MZF1: variants seen among roughly 807,000 people sequenced by gnomAD.
The protein encoded by MZF1 is zinc finger and SCAN domain-containing protein 6.
Under a neutral mutation model 28.6 loss-of-function variants are expected in MZF1, and 24 were observed. The observed-to-expected ratio is 0.84, with a 90% CI of 0.61 to 1.18. The LOEUF is 1.18. Among genes scored for constraint, MZF1 ranks in the 50% most tolerant of loss-of-function variants. The probability of loss-of-function intolerance (pLI) is 0.00; values close to 1 mark genes in which losing one functional copy is unlikely to be tolerated. For synonymous variants in MZF1, 516 were observed against 432.5 expected (o/e 1.19, Z -2.40); for missense variants, 1,166 against 1,026.4 (o/e 1.14, Z -1.86).
At chr19:58,564,902 GTTTTTTTTTTTTTTTTTTTTTTT>G (rs71190056) in intron 5 of MZF1, among the ~76,000 whole-genome samples, 2 of 41,996 alleles carry the variant, frequency 4.8e-5, no homozygotes, top group Admixed American at 3.2e-4. Context: ...CCATGTGTGT[GTTTTTTTTTTTTTTTTTTTTTTT>G]TTTTTTTTTT....
rs777893427 is a variant in MZF1 at position 58,563,499 on chromosome 19, C to T, written c.778G>A (p.Ala260Thr). Residue 260 changes from alanine (A) to threonine (T), a missense_variant, in exon 6 of 6, where the codon GCG becomes ACG. Physicochemically the swap from Ala to Thr is moderately conservative, Grantham distance 58. Transcript: ENST00000215057. ...GCGGAGATGCTGCCTAGCTGCAGCG[C>T]GAACCCTGCATACACAAGGGGACCA... ...EAGGIFSPGF[A>T]LQLGSISAGP... The T allele has an allele frequency of 1.4e-5, 22 of 1,540,208 alleles. No individual in the cohort carries two copies. In the Admixed American group the frequency reaches 3.4e-4, roughly 24 times the overall value.
chr19:58,569,964 C>T (rs540170938), intron 3 of MZF1: 10 of 303,288 alleles, frequency 3.3e-5, no homozygotes, highest in South Asian at 1.7e-4. Flanking sequence ...CCTAACACTA[C>T]GAGGTCCTCC....
chr19:58,572,559 C>G, intron 1 of MZF1: 1 of 1,289,628 alleles, frequency 7.8e-7, no homozygotes, highest in Non-Finnish European at 1.0e-6. Flanking sequence ...CCTCCCTCCT[C>G]GCGCTGTTCC....
rs910963962 is a variant in MZF1, at chr19:58,565,024, G to A, written c.773-1520C>T. ...CAACCTCTGCCTCCCGGGTTCAAGCGATTCTGCTGCTTCATCTTCCTGAGT... is the reference window on the plus strand; with the variant it reads ...CAACCTCTGCCTCCCGGGTTCAAGCAATTCTGCTGCTTCATCTTCCTGAGT... On this transcript the variant is annotated intron_variant, in intron 5 of 5. Transcript: ENST00000215057. 1.7e-4 allele frequency among the ~76,000 whole-genome samples: 25 copies of A among 144,714 alleles called. 1 individual carries two copies. The highest frequency in any genetic ancestry group is 3.6e-4 in the Admixed American group (5 of 14,068). The allele number at this position is 144,714 out of a possible 152,430, so 94.9% of individuals were successfully genotyped here.
chr19:58,565,077 T>C (rs895092561), intron 5 of MZF1, among the ~76,000 whole-genome samples: 7 of 147,404 alleles, frequency 4.7e-5, no homozygotes, highest in African/African-American at 1.8e-4. Flanking sequence ...TGCACCACCA[T>C]GCCTGGCTAA....
intron 5 of MZF1, chr19:58,568,329 G>A (rs1032480540): frequency 6.6e-6 from 1 of 151,908 alleles, no homozygotes; most frequent in Non-Finnish European, 1.5e-5. Context: ...GGAAAATAGA[G>A]TAGAAAGACA....
intron 5 of MZF1, among the ~76,000 whole-genome samples, chr19:58,564,906 T>G (rs1048630782): frequency 7.0e-5 from 5 of 71,048 alleles, no homozygotes; most frequent in Admixed American, 1.4e-4. Flanking sequence ...GTGTGTGTTT[T>G]TTTTTTTTTT....
At position 58,563,327 on chromosome 19, in the gene MZF1, G is replaced by T. The variant is rs780185814; in HGVS notation, c.950C>A (p.Pro317His). 2 of 1,609,174 alleles carry T rather than the reference G, an allele frequency of 1.2e-6. No individual in the cohort carries two copies. The highest frequency in any genetic ancestry group is 4.5e-5 in the East Asian group (2 of 44,726). ...ACCCCGGCAGGGATCCTCGTCCGTG[G>T]GGTCCTGTTCACTCCTCAGATCGCT... ...LPSDLRSEQD[P>H]TDEDPCRGVG... Residue 317 changes from proline (P) to histidine (H), a missense_variant, in exon 6 of 6, where the codon CCC becomes CAC. Coordinates refer to ENST00000215057, the MANE Select transcript of MZF1 (RefSeq NM_198055.2).
chr19:58,564,915 T>TG, intron 5 of MZF1, among the ~76,000 whole-genome samples: 1 of 117,208 alleles, frequency 8.5e-6, no homozygotes, highest in Admixed American at 8.4e-5. Flanking sequence ...TTTTTTTTTT[T>TG]TTTTTTTTTT....
At chr19:58,564,724 C>T (rs534746501) in intron 5 of MZF1, 2 of 152,222 alleles carry the variant, frequency 1.3e-5, no homozygotes, top group South Asian at 2.1e-4. Flanking sequence ...AGTTGTGTTC[C>T]TCCTTGTACT....
rs200161214 is a variant in MZF1, at chr19:58,562,528, C to T, written c.1749G>A (p.Thr583=). Reference sequence around the variant, plus strand: ...TGTGTACGCGGAGATGCTGCGTGAGCGTAGGCCGCTGGCGGAAGGCCTTGC... The same window carrying T: ...TGTGTACGCGGAGATGCTGCGTGAGTGTAGGCCGCTGGCGGAAGGCCTTGC... ...ECGKAFRQRP[T]LTQHLRVHTG... is the part of the protein sequence containing the mutation. Residue 583 remains threonine (T), a synonymous_variant, in exon 6 of 6, where the codon ACG becomes ACA. Coordinates refer to ENST00000215057, the MANE Select transcript of MZF1 (RefSeq NM_198055.2). 61 of 1,608,506 alleles carry T rather than the reference C, an allele frequency of 3.8e-5. No individual in the cohort carries two copies. Among genetic ancestry groups the T allele is most frequent in the Non-Finnish European group, 4.5e-5 (53 of 1,178,556 alleles).
At chr19:58,565,450 G>T (rs953030823) in intron 5 of MZF1, among the ~76,000 whole-genome samples, 1 of 152,000 alleles carries the variant, frequency 6.6e-6, no homozygotes, top group Non-Finnish European at 1.5e-5. Context: ...GGCTGGTCTC[G>T]ATCTCCTGAC....
At chr19:58,569,876 A>T (rs902863356) in intron 3 of MZF1, 4 of 398,290 alleles carry the variant, frequency 1.0e-5, no homozygotes, top group Non-Finnish European at 1.8e-5. Flanking sequence ...GAGGTATTGT[A>T]CAAGGGTCCA....
At position 58,572,185 on chromosome 19, in the gene MZF1, C is replaced by T. The variant is rs181247568; in HGVS notation, c.-40-756G>A. 1.2e-3 allele frequency among the ~76,000 whole-genome samples: 183 copies of T among 152,210 alleles called. 1 individual carries two copies. The highest frequency in any genetic ancestry group is 4.3e-3 in the African/African-American group (177 of 41,520). On this transcript the variant is annotated intron_variant, in intron 1 of 5. Coordinates refer to ENST00000215057, the MANE Select transcript of MZF1 (RefSeq NM_198055.2). ...TCACCTTCTATTCTCTCATCTACTT[C>T]GATGTGGCTCCTCATTTGGGCCCCA...
Position 58,562,620 on chromosome 19 carries a change from G to A in MZF1, c.1657C>T (p.Arg553Cys). The change falls in exon 6 of 6, where the codon CGC (arginine) becomes TGC (cysteine). Residue 553 changes from arginine (R) to cysteine (C), a missense_variant. Arg to Cys is a radical substitution (Grantham distance 180). Coordinates refer to ENST00000215057, the MANE Select transcript of MZF1 (RefSeq NM_198055.2). The stretch of plus-strand genomic sequence containing the variant: ...CGCCGGTGCTGCGTCAGGTTGGAGC[G>A]CTGCCGGAAGCTCTGGCCGCACTCG... ...CAECGQSFRQ[R>C]SNLTQHRRIH... 5.1e-6 allele frequency: 8 copies of A among 1,568,558 alleles called. No individual in the cohort carries two copies. Among genetic ancestry groups the A allele is most frequent in the Non-Finnish European group, 6.9e-6 (8 of 1,162,400 alleles).
At chr19:58,563,583 G>A in intron 5 of MZF1, 79 bp from the exon 6 acceptor site, 1 of 1,215,440 alleles carries the variant, frequency 8.2e-7, no homozygotes, top group Admixed American at 2.7e-5. Flanking sequence ...GGGACACAGT[G>A]TGAACTACAG....
rs994399241 is a variant in MZF1, at chr19:58,571,640, C to T, written c.-40-211G>A. 5.0e-5 allele frequency: 27 copies of T among 542,312 alleles called. No homozygotes were observed. In the East Asian group the frequency reaches 5.4e-4, roughly 11 times the overall value. 33.6% of individuals were successfully genotyped at this position (542,312 alleles called of 1,614,324 possible). On this transcript the variant is annotated intron_variant, in intron 1 of 5. Coordinates refer to ENST00000215057, the MANE Select transcript of MZF1 (RefSeq NM_198055.2). ...ATCCCTGGTCTTCTCTCCGCTTGGGCCTGTGCAAAGTCTCTGACAGTCTCC... is the reference window on the plus strand; with the variant it reads ...ATCCCTGGTCTTCTCTCCGCTTGGGTCTGTGCAAAGTCTCTGACAGTCTCC...
At position 58,562,429 on chromosome 19, in the gene MZF1, C is replaced by G. The variant is rs2053945615; in HGVS notation, c.1848G>C (p.Gln616His). The change falls in exon 6 of 6, where the codon CAG (glutamine) becomes CAC (histidine). Residue 616 changes from glutamine to histidine, a missense_variant. By Grantham distance (24) the Gln-to-His change is conservative. Transcript: ENST00000215057. ...FSQRLKLTRH[Q>H]RTHTGEKPYH... Reference sequence around the variant, plus strand: ...AGGGCTTTTCGCCGGTGTGTGTCCTCTGATGACGCGTGAGCTTGAGGCGCT... The same window carrying G: ...AGGGCTTTTCGCCGGTGTGTGTCCTGTGATGACGCGTGAGCTTGAGGCGCT... 1 of 1,611,358 alleles carries G rather than the reference C, an allele frequency of 6.2e-7. No homozygotes were observed. The highest frequency in any genetic ancestry group is 2.2e-5 in the East Asian group (1 of 44,804).
chr19:58,563,365 C>T lies in MZF1; in HGVS notation c.912G>A (p.Ala304=), dbSNP rs1313153011. 2 of 1,607,362 alleles carry T rather than the reference C, an allele frequency of 1.2e-6. No individual in the cohort carries two copies. Among genetic ancestry groups the T allele is most frequent in the Non-Finnish European group, 1.7e-6 (2 of 1,177,118 alleles). Residue 304 remains alanine, a synonymous_variant, in exon 6 of 6, where the codon GCG becomes GCA. Transcript: ENST00000215057. ...TCCTCAGATCGCTGGGGAGCAGAAG[C>T]GCATGCGCAAAGCCACCTTCGCGGG... The part of the protein sequence containing the change: ...SPSREGGFAH[A]LLLPSDLRSE...
Sources: gnomAD v4.1 joint callset for allele counts (sites outside exome capture counted in the v4.1 genomes callset) on GRCh38, gnomAD v4.1.1 for gene constraint, MANE v1.5 for transcripts, NCBI Gene and HGNC (gene_info 2026-07-23, HGNC 2026-07-21) for gene names.